Variants in LMLN observed in about 807,000 individuals in gnomAD.
The protein encoded by LMLN is leishmanolysin like peptidase.
LMLN carries 70 observed loss-of-function variants against 92.3 expected under a neutral mutation model. That is an observed-to-expected ratio of 0.76 (90% CI 0.63 to 0.92). The LOEUF is 0.92. Among genes scored for constraint, LMLN ranks in the 40% least tolerant of loss-of-function variants. The probability of loss-of-function intolerance (pLI) is 0.00; values close to 1 mark genes in which losing one functional copy is unlikely to be tolerated. For missense variants in LMLN, 691 were observed against 814.6 expected (o/e 0.85, Z 1.85); for synonymous variants, 308 against 296.2 (o/e 1.04, Z -0.41).
At chr3:197,968,869 A>T (rs1721143350) in intron 1 of LMLN, among the ~76,000 whole-genome samples, 1 of 152,208 alleles carries the variant, frequency 6.6e-6, no homozygotes, top group Non-Finnish European at 1.5e-5. Flanking sequence ...TAAACTATGA[A>T]CTCATAAACT....
chr3:197,984,694 C>CT (rs1196222186), intron 7 of LMLN, among the ~76,000 whole-genome samples: 1 of 151,956 alleles, frequency 6.6e-6, no homozygotes, highest in Non-Finnish European at 1.5e-5. Flanking sequence ...AGTGATCCTC[C>CT]TGTCTCAGAC....
intron 11 of LMLN, among the ~76,000 whole-genome samples, chr3:198,006,584 C>T (rs973359477): frequency 1.1e-4 from 17 of 152,172 alleles, no homozygotes; most frequent in Non-Finnish European, 1.6e-4. Flanking sequence ...TTTGTTTAAT[C>T]GATTCTGATA....
In LMLN at chr3:198,017,103, C is replaced by G. The variant is rs974266481; in HGVS notation, c.1233-2150C>G. On this transcript the variant is annotated intron_variant, in intron 11 of 15. Coordinates refer to ENST00000330198, the Ensembl canonical transcript of LMLN. Reference sequence around the variant, plus strand: ...TGCCACTGCACTCCAGCCTGGGCAACGAAACCCTGTCTCAAAAACAAAAAA... The same window carrying G: ...TGCCACTGCACTCCAGCCTGGGCAAGGAAACCCTGTCTCAAAAACAAAAAA... Among the ~76,000 whole-genome samples the G allele has an allele frequency of 1.3e-5, 2 of 151,418 alleles. 1 individual carries two copies. Among genetic ancestry groups the G allele is most frequent in the South Asian group, 4.2e-4 (2 of 4,786 alleles).
At chr3:197,994,496 C>A (rs544329532) in intron 9 of LMLN, 1 of 151,914 alleles carries the variant, frequency 6.6e-6, no homozygotes, top group Non-Finnish European at 1.5e-5. Flanking sequence ...TGAACAGGTA[C>A]GTGAAAAAAT....
rs114288867 is a variant in LMLN, at chr3:198,007,208, G to A, written c.1232+7866G>A. On this transcript the variant is annotated intron_variant, in intron 11 of 15. Coordinates refer to ENST00000330198, the Ensembl canonical transcript of LMLN. ...AGTTTTGACGGAGTCCAGAATATCA[G>A]TTTGTCCTCTTACTGTGTCTTTGAT... 4.9e-3 allele frequency among the ~76,000 whole-genome samples: 740 copies of A among 152,258 alleles called. 4 individuals are homozygous for A. The highest frequency in any genetic ancestry group is 0.017 in the African/African-American group (711 of 41,542).
chr3:197,968,680 C>T (rs924950511), intron 1 of LMLN, among the ~76,000 whole-genome samples: 1 of 152,206 alleles, frequency 6.6e-6, no homozygotes, highest in African/African-American at 2.4e-5. Context: ...CCCTGACTTC[C>T]TGCAACACAG....
chr3:198,038,767 G>A (rs906675772), exon 16 of LMLN: 5 of 873,150 alleles, frequency 5.7e-6, no homozygotes, highest in Non-Finnish European at 9.5e-6. Flanking sequence ...TGGTAGAAGT[G>A]GCATTCCTGG....
intron 1 of LMLN, among the ~76,000 whole-genome samples, chr3:197,965,947 A>T (rs191829153): frequency 3.2e-4 from 48 of 152,206 alleles, no homozygotes; most frequent in Non-Finnish European, 5.4e-4. Flanking sequence ...TTGTGGTTCA[A>T]GCTTACATGT....
chr3:197,999,302 G>A, exon 11 of LMLN: 4 of 1,613,778 alleles, frequency 2.5e-6, no homozygotes, highest in South Asian at 1.1e-5. Flanking sequence ...TCAGAATCGA[G>A]TACTCTCTCG....
intron 6 of LMLN, among the ~76,000 whole-genome samples, chr3:197,982,358 G>C (rs990121544): frequency 2.7e-5 from 4 of 150,766 alleles, no homozygotes; most frequent in Non-Finnish European, 5.9e-5. Flanking sequence ...CCTGAGTAGC[G>C]GCGACTACAG....
chr3:198,021,502 C>T lies in LMLN; in HGVS notation c.1422C>T (p.Ser474=), dbSNP rs758314060. 1.3e-5 allele frequency: 21 copies of T among 1,613,902 alleles called. No individual in the cohort carries two copies. In the East Asian group the frequency reaches 1.8e-4, roughly 14 times the overall value. The change falls in exon 13 of 16, where the codon TCC becomes TCT. Residue 474 remains serine (S), a synonymous_variant. Transcript: ENST00000330198. Reference sequence around the variant, plus strand: ...AAGATTTGCCTTATTATGGTGGCTCCGTGGAAATTGCTGACTACTGCCCTT... The same window carrying T: ...AAGATTTGCCTTATTATGGTGGCTCTGTGGAAATTGCTGACTACTGCCCTT...
chr3:197,982,517 C>T (rs1183126485), intron 6 of LMLN, among the ~76,000 whole-genome samples: 3 of 152,156 alleles, frequency 2.0e-5, no homozygotes, highest in Non-Finnish European at 2.9e-5. Context: ...TGAGCCACCA[C>T]GCCCGGCCTT....
At chr3:198,014,984 G>T (rs13100666) in intron 11 of LMLN, among the ~76,000 whole-genome samples, 14 of 53,782 alleles carry the variant, frequency 2.6e-4, no homozygotes, top group East Asian at 5.1e-4. Flanking sequence ...TCTCTCCACC[G>T]TTCAGAGCCC....
intron 8 of LMLN, among the ~76,000 whole-genome samples, chr3:197,989,030 T>C (rs1721792258): frequency 6.6e-6 from 1 of 152,178 alleles, no homozygotes; most frequent in South Asian, 2.1e-4. Context: ...ATTTGTGTTA[T>C]TTAGTCTAAA....
At chr3:198,012,771 C>A (rs1722487033) in intron 11 of LMLN, among the ~76,000 whole-genome samples, 1 of 148,458 alleles carries the variant, frequency 6.7e-6, no homozygotes, top group East Asian at 2.0e-4. Context: ...CCTTTCAGAG[C>A]CTCCTAACTA....
At chr3:198,002,983 G>A in intron 11 of LMLN, 32 bp from the exon 12 acceptor site, 2 of 1,304,952 alleles carry the variant, frequency 1.5e-6, no homozygotes, top group Non-Finnish European at 2.2e-6. Context: ...AAGGACAGCA[G>A]TAAAAATTGC....
chr3:197,996,995 T>TTTTTC (rs1373380526), intron 10 of LMLN, among the ~76,000 whole-genome samples: 6 of 150,866 alleles, frequency 4.0e-5, no homozygotes, highest in Non-Finnish European at 5.9e-5. Flanking sequence ...TCTTTTGTTT[T>TTTTTC]TTTTCTTTTC....
At chr3:198,017,213 T>C (rs1722663790) in intron 11 of LMLN, among the ~76,000 whole-genome samples, 1 of 152,220 alleles carries the variant, frequency 6.6e-6, no homozygotes, top group South Asian at 2.1e-4. Context: ...CATTCAAATG[T>C]CCCACTTGTG....
At chr3:198,035,967 A>G (rs1419202729) in exon 15 of LMLN, 5 of 1,613,996 alleles carry the variant, frequency 3.1e-6, no homozygotes, top group Non-Finnish European at 3.4e-6. Flanking sequence ...TCTGCCCATC[A>G]TGTTGGGACT....
Sources: gnomAD v4.1 joint callset for allele counts (sites outside exome capture counted in the v4.1 genomes callset) on GRCh38, gnomAD v4.1.1 for gene constraint, MANE v1.5 for transcripts, NCBI Gene and HGNC (gene_info 2026-07-23, HGNC 2026-07-21) for gene names.